EML1: variants seen among roughly 807,000 people sequenced by gnomAD.
EML1 encodes echinoderm microtubule-associated protein-like 1.
Under a neutral mutation model 110.4 loss-of-function variants are expected in EML1, and 27 were observed. The observed-to-expected ratio is 0.24, with a 90% CI of 0.18 to 0.34. The LOEUF is 0.34. Among genes scored for constraint, EML1 ranks in the 10% least tolerant of loss-of-function variants. EML1 has a pLI of 1.00. For synonymous variants in EML1, 344 were observed against 385.8 expected (o/e 0.89, Z 1.27); for missense variants, 741 against 1,030.9 (o/e 0.72, Z 3.85).
At chr14:99,902,847 C>T (rs529137914) in intron 9 of EML1, among the ~76,000 whole-genome samples, 1 of 152,266 alleles carries the variant, frequency 6.6e-6, no homozygotes, top group Non-Finnish European at 1.5e-5. Context: ...GATCAGGAAC[C>T]CTGTACAGGG....
chr14:99,835,485 CG>C (rs1277840387), intron 1 of EML1, among the ~76,000 whole-genome samples: 2 of 152,044 alleles, frequency 1.3e-5, no homozygotes, highest in Non-Finnish European at 2.9e-5. Flanking sequence ...TATATTGCTT[CG>C]TTTTTTTCTG....
chr14:99,826,727 A>C (rs1028649433), intron 1 of EML1, among the ~76,000 whole-genome samples: 6 of 152,112 alleles, frequency 3.9e-5, no homozygotes, highest in African/African-American at 7.2e-5. Flanking sequence ...ACAAAAAAAA[A>C]CAAAAAAACA....
chr14:99,885,002 C>T lies in EML1; in HGVS notation c.519-6197C>T, dbSNP rs560271070. The stretch of plus-strand genomic sequence containing the variant: ...TGTCGTAACTGCCTGTTAACTTTAT[C>T]TGTGACTCTGTAGCTCTCCTCCCTT... On this transcript the variant is annotated intron_variant, in intron 4 of 21. Coordinates refer to ENST00000262233, the MANE Select transcript of EML1 (RefSeq NM_004434.3). Among the ~76,000 whole-genome samples the T allele has an allele frequency of 2.0e-5, 3 of 152,382 alleles. No individual in the cohort carries two copies. The East Asian group carries it at 5.8e-4, about 29-fold the overall frequency.
chr14:99,756,732 C>G (rs546549487), intron 1 of EML1, among the ~76,000 whole-genome samples: 1 of 152,298 alleles, frequency 6.6e-6, no homozygotes, highest in Non-Finnish European at 1.5e-5. Flanking sequence ...CCTGTGGAAT[C>G]TGAATCTTGG....
chr14:99,907,791 G>A, intron 10 of EML1, 58 bp downstream of exon 10: 14 of 1,547,978 alleles, frequency 9.0e-6, no homozygotes, highest in Non-Finnish European at 1.2e-5. Context: ...GAGCCGCCCT[G>A]GCATAGTGGT....
chr14:99,936,902 C>T lies in EML1; in HGVS notation c.2095+568C>T, dbSNP rs1339667059. Among the ~76,000 whole-genome samples the T allele has an allele frequency of 6.6e-6, 1 of 152,224 alleles. No homozygotes were observed. The highest frequency in any genetic ancestry group is 1.5e-5 in the Non-Finnish European group (1 of 68,034). On this transcript the variant is annotated intron_variant, in intron 19 of 21. Transcript: ENST00000262233. This position sits in a 1 kb window ranked among gnomAD's most constrained non-coding sequence, Gnocchi z 5.5. ...ACTGGTTCCTTAGACACCCACCAGG[C>T]ACCTGCCACGTGCCCCACTCTGGGC... is the stretch of plus-strand genomic sequence containing the variant.
chr14:99,904,181 G>A (rs1462366470), intron 9 of EML1, among the ~76,000 whole-genome samples: 1 of 152,100 alleles, frequency 6.6e-6, no homozygotes, highest in Admixed American at 6.5e-5. Context: ...TCATTGCTCA[G>A]AGAAAAACCT....
At position 99,941,372 on chromosome 14, in the gene EML1, T is replaced by G. The variant is rs1483342958; in HGVS notation, c.*1260T>G. On this transcript the variant is annotated 3_prime_UTR_variant, in exon 22 of 22. Coordinates refer to ENST00000262233, the MANE Select transcript of EML1 (RefSeq NM_004434.3). ...ATCTGAGCTCTATGGCACTGGTTGTTTAGAGTGACTGATGAAGTGCAACTT... is the reference window on the plus strand; with the variant it reads ...ATCTGAGCTCTATGGCACTGGTTGTGTAGAGTGACTGATGAAGTGCAACTT... The G allele has an allele frequency of 6.6e-6, 1 of 152,206 alleles. No homozygotes were observed. The highest frequency in any genetic ancestry group is 1.5e-5 in the Non-Finnish European group (1 of 68,036). The allele number at this position is 152,206 out of a possible 1,614,324, so 9.4% of individuals were successfully genotyped here.
intron 17 of EML1, among the ~76,000 whole-genome samples, chr14:99,928,922 T>C (rs2060316857): frequency 6.6e-6 from 1 of 152,216 alleles, no homozygotes; most frequent in African/African-American, 2.4e-5. Context: ...CACATTTCTT[T>C]CTGTTAATTT....
chr14:99,745,057 C>A (rs531361334), intron 1 of EML1, among the ~76,000 whole-genome samples: 1 of 152,090 alleles, frequency 6.6e-6, no homozygotes, highest in Non-Finnish European at 1.5e-5. Context: ...AGTTTAGTAG[C>A]TGGTTCTCCC....
At chr14:99,756,110 G>A (rs146151999) in intron 1 of EML1, among the ~76,000 whole-genome samples, 29 of 152,246 alleles carry the variant, frequency 1.9e-4, no homozygotes, top group African/African-American at 6.8e-4. Context: ...AAGGGGAGTT[G>A]TGCTGGGTGG....
At chr14:99,755,805 G>T (rs543359393) in intron 1 of EML1, among the ~76,000 whole-genome samples, 1 of 152,294 alleles carries the variant, frequency 6.6e-6, no homozygotes, top group Admixed American at 6.5e-5. Context: ...GGTGTGCGGG[G>T]ACCAAGCGGG....
intron 4 of EML1, among the ~76,000 whole-genome samples, chr14:99,881,280 A>G (rs2059380073): frequency 6.6e-6 from 1 of 152,196 alleles, no homozygotes; most frequent in South Asian, 2.1e-4. Context: ...GCAGTGCTTT[A>G]ACTTGCAGCC....
At chr14:99,761,103 C>T (rs985841786) in intron 1 of EML1, among the ~76,000 whole-genome samples, 1 of 152,172 alleles carries the variant, frequency 6.6e-6, no homozygotes, top group Admixed American at 6.5e-5. Flanking sequence ...TCACTGTACC[C>T]TGGGAGGCAC....
chr14:99,858,538 G>A (rs1263341269), intron 2 of EML1, among the ~76,000 whole-genome samples: 1 of 152,154 alleles, frequency 6.6e-6, no homozygotes, highest in Non-Finnish European at 1.5e-5. Flanking sequence ...ATGCCACAGT[G>A]TATTCAACCA....
chr14:99,875,052 T>A, intron 3 of EML1: 1 of 1,516,074 alleles, frequency 6.6e-7, no homozygotes, highest in Non-Finnish European at 9.1e-7. Context: ...ATCTCTGTTT[T>A]AACGTAGTAG....
At position 99,801,126 on chromosome 14, in the gene EML1, T is replaced by G. The variant is rs80035216; in HGVS notation, c.67+7583T>G. 2.6e-4 allele frequency among the ~76,000 whole-genome samples: 40 copies of G among 152,364 alleles called. 1 individual carries two copies. Among genetic ancestry groups the G allele is most frequent in the African/African-American group, 9.4e-4 (39 of 41,596 alleles). On this transcript the variant is annotated intron_variant, in intron 1 of 21. Transcript: ENST00000262233. ...AGACCCACCGTCCTGGACTGCAGAT[T>G]CTTCCCACAAATAACCTTTGAAGGA...
At chr14:99,767,495 G>A (rs564835321) in intron 1 of EML1, among the ~76,000 whole-genome samples, 50 of 152,228 alleles carry the variant, frequency 3.3e-4, no homozygotes, top group African/African-American at 1.0e-3. Flanking sequence ...CCTGCTACTC[G>A]GGAGTCTGAG....
At chr14:99,922,605 C>T (rs986963230) in intron 17 of EML1, among the ~76,000 whole-genome samples, 8 of 152,234 alleles carry the variant, frequency 5.3e-5, no homozygotes, top group South Asian at 4.2e-4. Context: ...TTTACATTCT[C>T]GTCAGCCATG....
Sources: gnomAD v4.1 joint callset for allele counts (sites outside exome capture counted in the v4.1 genomes callset) on GRCh38, gnomAD v4.1.1 for gene constraint, Gnocchi (gnomAD v3.1) non-coding constraint, MANE v1.5 for transcripts, NCBI Gene and HGNC (gene_info 2026-07-23, HGNC 2026-07-21) for gene names.